Variants in PLEKHA5 observed in about 807,000 individuals in gnomAD.
The protein encoded by PLEKHA5 is pleckstrin homology domain containing A5.
Under a neutral mutation model 181.9 loss-of-function variants are expected in PLEKHA5, and 55 were observed. The ratio of observed to expected loss-of-function variants is 0.30; its 90% CI spans 0.24 to 0.38. The LOEUF (loss-of-function observed/expected upper bound fraction) is 0.38. PLEKHA5 is among the 10% of genes least tolerant of loss of function. The pLI is 1.00. For missense variants in PLEKHA5, 1,432 were observed against 1,549.5 expected (o/e 0.92, Z 1.27); for synonymous variants, 535 against 529.4 (o/e 1.01, Z -0.15).
chr12:19,167,405 ATTTTTTTTTTTTTTT>A (rs56086557), intron 3 of PLEKHA5, among the ~76,000 whole-genome samples: 12 of 91,198 alleles, frequency 1.3e-4, no homozygotes, highest in Non-Finnish European at 2.1e-4. Context: ...CTGAGGCTTA[ATTTTTTTTTTTTTTT>A]TTTTTTTTTT....
At chr12:19,270,066 G>T in intron 9 of PLEKHA5, 122 bp from the exon 10 acceptor site, 1 of 642,806 alleles carries the variant, frequency 1.6e-6, no homozygotes, top group South Asian at 2.4e-5. Flanking sequence ...GTTAGTTTGC[G>T]ATACCACCTA....
chr12:19,239,889 A>G (rs771604155), intron 3 of PLEKHA5, among the ~76,000 whole-genome samples: 1 of 152,156 alleles, frequency 6.6e-6, no homozygotes, highest in African/African-American at 2.4e-5. Context: ...GTTTATGGTT[A>G]TGAGACTCTT....
rs897515528 is a variant in PLEKHA5 at position 19,293,130 on chromosome 12, T to A, written c.2037+1433T>A. Among the ~76,000 whole-genome samples the A allele has an allele frequency of 1.9e-4, 29 of 152,338 alleles. No individual in the cohort carries two copies. The East Asian group carries it at 4.8e-3, about 25-fold the overall frequency. ...AAAATGTCCAAACTTGACTATTTTATCAAATAAAGAGGTTACTGTAGAAAA... is the reference window on the plus strand; with the variant it reads ...AAAATGTCCAAACTTGACTATTTTAACAAATAAAGAGGTTACTGTAGAAAA... On this transcript the variant is annotated intron_variant, in intron 15 of 31. Transcript: ENST00000429027.
Position 19,226,046 on chromosome 12 carries a change from G to A in PLEKHA5, c.228-27894G>A, listed in dbSNP as rs114826167. ...AAATTCATATCGTGTAAAAGTAACC[G>A]TTTTAAAATGTACAGTACATTGGTA... On this transcript the variant is annotated intron_variant, in intron 3 of 31. Coordinates refer to ENST00000429027, the MANE Select transcript of PLEKHA5 (RefSeq NM_001256470.2). 2.1e-3 allele frequency among the ~76,000 whole-genome samples: 322 copies of A among 152,176 alleles called. 3 individuals carry two copies. Among genetic ancestry groups the A allele is most frequent in the African/African-American group, 5.1e-3 (211 of 41,538 alleles).
intron 3 of PLEKHA5, among the ~76,000 whole-genome samples, chr12:19,177,406 TCATAA>T (rs2047565690): frequency 6.6e-6 from 1 of 152,154 alleles, no homozygotes; most frequent in South Asian, 2.1e-4. Context: ...TCTGTAATCC[TCATAA>T]CAGAACATAT....
At chr12:19,148,801 A>G (rs189948777) in intron 3 of PLEKHA5, among the ~76,000 whole-genome samples, 1 of 152,336 alleles carries the variant, frequency 6.6e-6, no homozygotes, top group East Asian at 1.9e-4. Context: ...GATGAAAATA[A>G]AAGGAAATCA....
At chr12:19,259,659 G>A (rs147963448) in intron 6 of PLEKHA5, among the ~76,000 whole-genome samples, 8 of 151,586 alleles carry the variant, frequency 5.3e-5, no homozygotes, top group Admixed American at 6.6e-5. Context: ...GCTGAGACAC[G>A]AGAATCACTT....
intron 7 of PLEKHA5, 51 bp downstream of exon 7, chr12:19,261,072 ATAAGT>A (rs769536030): frequency 2.0e-5 from 19 of 971,182 alleles, no homozygotes; most frequent in South Asian, 4.4e-5. Flanking sequence ...GATATGTAAT[ATAAGT>A]TAAGTATCAG....
intron 13 of PLEKHA5, 62 bp downstream of exon 13, chr12:19,287,618 A>C (rs1439941890): frequency 2.2e-6 from 2 of 898,064 alleles, no homozygotes; most frequent in Non-Finnish European, 3.6e-6. Flanking sequence ...GAAGGTACAT[A>C]TCTAACATAA....
intron 2 of PLEKHA5, among the ~76,000 whole-genome samples, chr12:19,131,359 G>A (rs985764522): frequency 6.6e-6 from 1 of 152,202 alleles, no homozygotes; most frequent in African/African-American, 2.4e-5. Flanking sequence ...AGGAAAGGCT[G>A]GTGTAGCAAG....
At chr12:19,318,461 A>C (rs577426593) in intron 16 of PLEKHA5, among the ~76,000 whole-genome samples, 1 of 152,178 alleles carries the variant, frequency 6.6e-6, no homozygotes, top group South Asian at 2.1e-4. Flanking sequence ...AATATCCTAA[A>C]GATTTACTAT....
chr12:19,309,370 A>T (rs1203022600), intron 15 of PLEKHA5, among the ~76,000 whole-genome samples: 1 of 152,102 alleles, frequency 6.6e-6, no homozygotes, highest in Non-Finnish European at 1.5e-5. Flanking sequence ...AAGAAAAAAA[A>T]AACTCATCTC....
intron 11 of PLEKHA5, among the ~76,000 whole-genome samples, chr12:19,282,194 A>G (rs2076338318): frequency 1.3e-5 from 2 of 152,182 alleles, no homozygotes; most frequent in South Asian, 4.1e-4. Flanking sequence ...CAAAATTAAC[A>G]TTTTAAAAGA....
intron 3 of PLEKHA5, among the ~76,000 whole-genome samples, chr12:19,180,363 A>G (rs1399720486): frequency 2.0e-5 from 3 of 152,170 alleles, no homozygotes; most frequent in Non-Finnish European, 2.9e-5. Flanking sequence ...AAACCCCTCT[A>G]TTTAACCCAT....
At chr12:19,363,224 C>T (rs2095316165) in intron 29 of PLEKHA5, among the ~76,000 whole-genome samples, 1 of 151,608 alleles carries the variant, frequency 6.6e-6, no homozygotes, top group Admixed American at 6.6e-5. Context: ...ACTCGGTTCC[C>T]GGAGGGAACC....
rs577718123 is a variant in PLEKHA5 at position 19,288,743 on chromosome 12, G to T, written c.1863+1187G>T. The stretch of plus-strand genomic sequence containing the variant: ...TGTGGGAATCTTAAAACATTAGATT[G>T]TTGGCCTGACAAATAGTCATTAATC... On this transcript the variant is annotated intron_variant, in intron 13 of 31. Coordinates refer to ENST00000429027, the MANE Select transcript of PLEKHA5 (RefSeq NM_001256470.2). Among the ~76,000 whole-genome samples, 8 of 152,344 alleles carry T rather than the reference G, an allele frequency of 5.3e-5. No individual in the cohort carries two copies. In the South Asian group the frequency reaches 1.7e-3, roughly 32 times the overall value.
In PLEKHA5 at chr12:19,265,772, G is replaced by A; in HGVS notation, c.633G>A (p.Leu211=). 6.3e-7 allele frequency: 1 copy of A among 1,581,544 alleles called. No individual in the cohort carries two copies. Among genetic ancestry groups the A allele is most frequent in the Non-Finnish European group, 8.7e-7 (1 of 1,152,462 alleles). The change falls in exon 8 of 32, where the codon CTG becomes CTA. Residue 211 remains leucine, a synonymous_variant. Coordinates refer to ENST00000429027, the MANE Select transcript of PLEKHA5 (RefSeq NM_001256470.2). ...TAGATGAGAAAGAAGAGGGTATCCT[G>A]GGAAGCATACTGTTACCTAGTTTTC... ...YYRDEKEEGI[L]GSILLPSFQI...
chr12:19,325,461 G>A (rs546435790), intron 20 of PLEKHA5, among the ~76,000 whole-genome samples: 5 of 150,158 alleles, frequency 3.3e-5, no homozygotes, highest in East Asian at 2.0e-4. Context: ...AGGCCGAGAC[G>A]GGCGGATCAC....
At position 19,265,842 on chromosome 12, in the gene PLEKHA5, G is replaced by A; in HGVS notation, c.703G>A (p.Ala235Thr). 6.4e-7 allele frequency: 1 copy of A among 1,571,752 alleles called. No individual in the cohort carries two copies. The highest frequency in any genetic ancestry group is 8.7e-7 in the Non-Finnish European group (1 of 1,145,794). Reference protein sequence around the residue: ...TSEDHINRKYAFKAAHPNMRT... With the variant: ...TSEDHINRKYTFKAAHPNMRT... ...TGAAGATCACATTAATCGCAAATAT[G>A]CTTTTAAGGTAAGGAAATAATGCAG... Residue 235 changes from alanine to threonine, a missense_variant, in exon 8 of 32, where the codon GCT becomes ACT. Transcript: ENST00000429027.
Sources: gnomAD v4.1 joint callset for allele counts (sites outside exome capture counted in the v4.1 genomes callset) on GRCh38, gnomAD v4.1.1 for gene constraint, MANE v1.5 for transcripts, NCBI Gene and HGNC (gene_info 2026-07-23, HGNC 2026-07-21) for gene names.